Variants in ATP6V0D1 observed in about 807,000 individuals in gnomAD.
ATP6V0D1 encodes the protein V-type proton ATPase subunit d 1.
ATP6V0D1 carries 13 observed loss-of-function variants against 39.0 expected under a neutral mutation model. The ratio of observed to expected loss-of-function variants is 0.33; its 90% CI spans 0.22 to 0.53. ATP6V0D1 has a LOEUF of 0.53. Among genes scored for constraint, ATP6V0D1 ranks in the 20% least tolerant of loss-of-function variants. ATP6V0D1 has a pLI of 0.94. For missense variants in ATP6V0D1, 272 were observed against 470.9 expected (o/e 0.58, Z 3.91); for synonymous variants, 191 against 191.2 (o/e 1.00, Z 0.01).
chr16:67,468,706 TGTTGAA>T (rs2041349823), intron 1 of ATP6V0D1, among the ~76,000 whole-genome samples: 2 of 151,698 alleles, frequency 1.3e-5, no homozygotes, highest in African/African-American at 4.8e-5. Flanking sequence ...TAAAATAAGG[TGTTGAA>T]GCATTTCCGT....
At position 67,463,709 on chromosome 16, in the gene ATP6V0D1, G is replaced by A. The variant is rs549463868; in HGVS notation, c.131-9994C>T. ...GAGGCTTGGTCCAGGCAAGAAGATG[G>A]CAGAAGCAGTAACTATACAAGCTGG... On this transcript the variant is annotated intron_variant, in intron 1 of 7. Transcript: ENST00000290949. Among the ~76,000 whole-genome samples, 8 of 152,348 alleles carry A rather than the reference G, an allele frequency of 5.3e-5. No homozygotes were observed. In the South Asian group the frequency reaches 1.0e-3, roughly 20 times the overall value.
At position 67,438,127 on chromosome 16, in the gene ATP6V0D1, C is replaced by G; in HGVS notation, c.*401G>C. On this transcript the variant is annotated 3_prime_UTR_variant, in exon 8 of 8. Coordinates refer to ENST00000290949, the MANE Select transcript of ATP6V0D1 (RefSeq NM_004691.5). ...AAGGACACACACACTCTGTCCTTCC[C>G]ATGGGCCATGGCTCTGGGAGCGACC... 4.3e-6 allele frequency: 1 copy of G among 233,194 alleles called. No individual in the cohort carries two copies. The highest frequency in any genetic ancestry group is 8.5e-6 in the Non-Finnish European group (1 of 116,986). The allele number at this position is 233,194 out of a possible 1,614,324, so 14.4% of individuals were successfully genotyped here. A position where few individuals can be genotyped will look rare whatever the true frequency, so the allele number is the denominator to read the frequency against.
In ATP6V0D1 at chr16:67,444,397, C is replaced by A; in HGVS notation, c.481+131G>T. 1 of 947,104 alleles carries A rather than the reference C, an allele frequency of 1.1e-6. No individual in the cohort carries two copies. Among genetic ancestry groups the A allele is most frequent in the Non-Finnish European group, 1.5e-6 (1 of 655,930 alleles). The allele number at this position is 947,104 out of a possible 1,614,324, so 58.7% of individuals were successfully genotyped here. A position where few individuals can be genotyped will look rare whatever the true frequency, so the allele number is the denominator to read the frequency against. On this transcript the variant is annotated intron_variant, in intron 3 of 7. Transcript: ENST00000290949. This position sits in a 1 kb window ranked among gnomAD's most constrained non-coding sequence, Gnocchi z 4.8. Reference sequence around the variant, plus strand: ...ATCGGAGGAGGAAGTTGAAGGGAGACAAAGGTAAGCAGCAGTGGGCAGGTC... The same window carrying A: ...ATCGGAGGAGGAAGTTGAAGGGAGAAAAAGGTAAGCAGCAGTGGGCAGGTC...
intron 1 of ATP6V0D1, chr16:67,459,301 G>C: frequency 2.0e-6 from 2 of 978,916 alleles, no homozygotes; most frequent in Non-Finnish European, 2.4e-6. Flanking sequence ...GAGAGTCCCT[G>C]CCCTCCCACC....
chr16:67,453,604 T>G lies in ATP6V0D1; in HGVS notation c.242A>C (p.Glu81Ala). Residue 81 changes from glutamate (E) to alanine (A), a missense_variant, in exon 2 of 8, where the codon GAG becomes GCG. Glu to Ala is a moderately radical substitution (Grantham distance 107). Transcript: ENST00000290949. This position sits in a 1 kb window ranked among gnomAD's most constrained non-coding sequence, Gnocchi z 4.1. The stretch of plus-strand genomic sequence containing the variant: ...GGCATGGTTCCTCATGTGGCGGAAC[T>G]CCACCACCATCTTCTCCTTGAGCCG... ...DDRLKEKMVV[E>A]FRHMRNHAYE... The G allele has an allele frequency of 6.2e-7, 1 of 1,614,192 alleles. No homozygotes were observed. Among genetic ancestry groups the G allele is most frequent in the Non-Finnish European group, 8.5e-7 (1 of 1,180,024 alleles).
At chr16:67,441,504 C>T (rs1435660919) in intron 4 of ATP6V0D1, 1 of 152,302 alleles carries the variant, frequency 6.6e-6, no homozygotes, top group Non-Finnish European at 1.5e-5. Context: ...GCACCCCTCA[C>T]CCTGTCTCAG....
intron 1 of ATP6V0D1, among the ~76,000 whole-genome samples, chr16:67,468,501 T>C (rs1251120955): frequency 3.3e-5 from 5 of 151,034 alleles, no homozygotes; most frequent in East Asian, 2.0e-4. Flanking sequence ...GTTGGGAGGA[T>C]TGCTTGAGCC....
intron 2 of ATP6V0D1, among the ~76,000 whole-genome samples, chr16:67,449,292 C>T (rs1444550068): frequency 6.6e-6 from 1 of 152,210 alleles, no homozygotes; most frequent in Non-Finnish European, 1.5e-5. Context: ...CTTTAAAGCC[C>T]ACCTGGGACT....
chr16:67,458,185 C>T (rs2142319072), intron 1 of ATP6V0D1, among the ~76,000 whole-genome samples: 1 of 152,322 alleles, frequency 6.6e-6, no homozygotes, highest in East Asian at 1.9e-4. Context: ...CAGCCCCAAG[C>T]CCTAAGACAG....
intron 1 of ATP6V0D1, among the ~76,000 whole-genome samples, chr16:67,469,570 G>C (rs1352387438): frequency 1.3e-5 from 2 of 151,888 alleles, no homozygotes; most frequent in African/African-American, 4.8e-5. Flanking sequence ...GTCTTCAGGT[G>C]TAAAGAGAAG....
intron 1 of ATP6V0D1, among the ~76,000 whole-genome samples, chr16:67,466,293 C>T (rs2041328614): frequency 6.8e-6 from 1 of 147,100 alleles, no homozygotes; most frequent in African/African-American, 2.5e-5. Context: ...CCAGCCTGAC[C>T]AACATGGAGA....
intron 1 of ATP6V0D1, chr16:67,457,364 C>T: frequency 3.0e-6 from 1 of 332,348 alleles, no homozygotes; most frequent in Non-Finnish European, 6.0e-6. Context: ...ATCTAGTTTC[C>T]TCCTCTCCTC....
At chr16:67,472,874 AT>A (rs2041385304) in intron 1 of ATP6V0D1, among the ~76,000 whole-genome samples, 1 of 152,128 alleles carries the variant, frequency 6.6e-6, no homozygotes, top group Non-Finnish European at 1.5e-5. Context: ...TCTCAAAAAA[AT>A]ATATATATAT....
At chr16:67,445,304 G>A (rs1374066650) in intron 2 of ATP6V0D1, among the ~76,000 whole-genome samples, 3 of 152,190 alleles carry the variant, frequency 2.0e-5, no homozygotes. Context: ...TGAGCACTAG[G>A]GATCTATGAG....
At chr16:67,443,364 C>T (rs2041076297) in intron 3 of ATP6V0D1, 186 bp from the exon 4 acceptor site, 2 of 573,582 alleles carry the variant, frequency 3.5e-6, no homozygotes, top group Non-Finnish European at 6.2e-6. Flanking sequence ...GTACACTGAC[C>T]TGAGCTTCTC....
At chr16:67,467,147 TG>T (rs1290574956) in intron 1 of ATP6V0D1, among the ~76,000 whole-genome samples, 1 of 151,188 alleles carries the variant, frequency 6.6e-6, no homozygotes, top group African/African-American at 2.4e-5. Flanking sequence ...TCCCTGGGGT[TG>T]GGGGGTGGGA....
At chr16:67,450,366 T>TCTTC (rs2041164393) in intron 2 of ATP6V0D1, among the ~76,000 whole-genome samples, 1 of 152,022 alleles carries the variant, frequency 6.6e-6, no homozygotes, top group Non-Finnish European at 1.5e-5. Flanking sequence ...GGGAAGCCAA[T>TCTTC]CGTGAGCCCC....
At chr16:67,462,794 C>T (rs925612677) in intron 1 of ATP6V0D1, among the ~76,000 whole-genome samples, 7 of 151,080 alleles carry the variant, frequency 4.6e-5, no homozygotes, top group Non-Finnish European at 1.0e-4. Context: ...TGCCACTGCA[C>T]TCCAGCCTGT....
At chr16:67,466,773 G>A (rs2041334111) in intron 1 of ATP6V0D1, among the ~76,000 whole-genome samples, 1 of 152,132 alleles carries the variant, frequency 6.6e-6, no homozygotes, top group Non-Finnish European at 1.5e-5. Flanking sequence ...CTCCAGCCCA[G>A]GCAACAGAGT....
Sources: gnomAD v4.1 joint callset for allele counts (sites outside exome capture counted in the v4.1 genomes callset) on GRCh38, gnomAD v4.1.1 for gene constraint, Gnocchi (gnomAD v3.1) non-coding constraint, MANE v1.5 for transcripts, NCBI Gene and HGNC (gene_info 2026-07-23, HGNC 2026-07-21) for gene names.